The following UBXN4 variants were observed in gnomAD, a reference collection of about 807,000 sequenced individuals.
UBXN4 encodes the protein UBX domain-containing protein 4.
Under a neutral mutation model 66.2 loss-of-function variants are expected in UBXN4, and 35 were observed. The observed-to-expected ratio is 0.53, with a 90% CI of 0.40 to 0.70. The LOEUF is 0.70. UBXN4 is among the 30% of genes least tolerant of loss of function. UBXN4 has a pLI of 0.00. For synonymous variants in UBXN4, 203 were observed against 204.5 expected, an observed-to-expected ratio of 0.99 and a Z score of 0.06; for missense variants, 533 against 599.8, an observed-to-expected ratio of 0.89 and a Z score of 1.16.
In UBXN4 at chr2:135,754,175, T is replaced by C. The variant is rs745786217; in HGVS notation, c.231T>C (p.Val77=). ...ACTGTACAGATCCTGTAGTGTGTGT[T>C]CCATCCAGTTTCTTTATTGGAGACA... ...QFSQIYPVVC[V]PSSFFIGDSG... Residue 77 remains valine (V), a synonymous_variant, in exon 4 of 13, where the codon GTT becomes GTC. Coordinates refer to ENST00000272638, the MANE Select transcript of UBXN4 (RefSeq NM_014607.4). 2 of 1,613,654 alleles carry C rather than the reference T, an allele frequency of 1.2e-6. No individual in the cohort carries two copies. The highest frequency in any genetic ancestry group is 1.7e-6 in the Non-Finnish European group (2 of 1,179,646).
chr2:135,770,858 T>A, intron 8 of UBXN4, 123 bp downstream of exon 8: 1 of 954,632 alleles, frequency 1.0e-6, no homozygotes, highest in South Asian at 5.6e-5. Flanking sequence ...ATCCTGAGCT[T>A]CCTTTTATTA....
chr2:135,745,714 C>A (rs895988130), intron 1 of UBXN4, among the ~76,000 whole-genome samples: 3 of 152,012 alleles, frequency 2.0e-5, no homozygotes, highest in Non-Finnish European at 4.4e-5. Flanking sequence ...TATTTGGAAT[C>A]TTAATCTCTC....
chr2:135,751,196 A>T (rs1362453196), intron 2 of UBXN4, among the ~76,000 whole-genome samples: 2 of 122,596 alleles, frequency 1.6e-5, no homozygotes, highest in African/African-American at 3.0e-5. Context: ...TTTATTTTTT[A>T]TTTTTTTTGA....
intron 6 of UBXN4, among the ~76,000 whole-genome samples, chr2:135,768,201 A>T (rs753526577): frequency 6.6e-6 from 1 of 151,926 alleles, no homozygotes; most frequent in Non-Finnish European, 1.5e-5. Flanking sequence ...TATTTTTTAA[A>T]TTTTTTTATT....
At chr2:135,759,571 G>C (rs902075048) in intron 5 of UBXN4, among the ~76,000 whole-genome samples, 2 of 152,060 alleles carry the variant, frequency 1.3e-5, no homozygotes, top group Non-Finnish European at 2.9e-5. Flanking sequence ...CTACAGACTT[G>C]ATCAAGTCAG....
At chr2:135,769,032 T>C (rs2105504127) in intron 6 of UBXN4, among the ~76,000 whole-genome samples, 1 of 152,026 alleles carries the variant, frequency 6.6e-6, no homozygotes, top group African/African-American at 2.4e-5. Context: ...AGACAGGGTC[T>C]CCCTTTGTCA....
intron 11 of UBXN4, among the ~76,000 whole-genome samples, chr2:135,779,822 T>C (rs2077438435): frequency 6.9e-6 from 1 of 144,502 alleles, no homozygotes; most frequent in Non-Finnish European, 1.5e-5. Flanking sequence ...TAATATACAA[T>C]ATTATACAAT....
chr2:135,767,291 G>A (rs2077354886), intron 6 of UBXN4, among the ~76,000 whole-genome samples: 1 of 152,088 alleles, frequency 6.6e-6, no homozygotes, highest in Non-Finnish European at 1.5e-5. Context: ...AACCCGGGAG[G>A]CAGAGGTTGC....
chr2:135,746,606 A>G (rs1198998523), intron 1 of UBXN4, among the ~76,000 whole-genome samples: 1 of 152,204 alleles, frequency 6.6e-6, no homozygotes. Context: ...TATTTGAGCA[A>G]AGTTTTAAGG....
chr2:135,779,597 G>C (rs1426469384), intron 11 of UBXN4, among the ~76,000 whole-genome samples: 2 of 151,854 alleles, frequency 1.3e-5, no homozygotes, highest in African/African-American at 2.4e-5. Context: ...TACTAGACGT[G>C]CCCTCCACCC....
chr2:135,776,459 C>A, intron 10 of UBXN4, 108 bp downstream of exon 10: 1 of 906,278 alleles, frequency 1.1e-6, no homozygotes, highest in Non-Finnish European at 1.7e-6. Context: ...GTGACCTCTC[C>A]AGGAGGGAGG....
At chr2:135,746,021 G>A (rs2077205728) in intron 1 of UBXN4, among the ~76,000 whole-genome samples, 2 of 151,722 alleles carry the variant, frequency 1.3e-5, no homozygotes, top group Non-Finnish European at 1.5e-5. Context: ...GGGACTACAG[G>A]TGTGTGTCAC....
intron 11 of UBXN4, among the ~76,000 whole-genome samples, chr2:135,779,673 A>G (rs1033830562): frequency 6.6e-6 from 1 of 151,946 alleles, no homozygotes; most frequent in African/African-American, 2.4e-5. Context: ...AATCAGCAAG[A>G]AAGACTCTTC....
chr2:135,764,721 G>C (rs1420785325), intron 6 of UBXN4, among the ~76,000 whole-genome samples: 1 of 152,232 alleles, frequency 6.6e-6, no homozygotes, highest in Non-Finnish European at 1.5e-5. Flanking sequence ...GGCTGGGCTG[G>C]TCTTGAACTT....
chr2:135,745,187 A>G (rs962273700), intron 1 of UBXN4, among the ~76,000 whole-genome samples: 3 of 152,168 alleles, frequency 2.0e-5, no homozygotes, highest in Admixed American at 2.0e-4. Flanking sequence ...TAAACCATAA[A>G]TATGAGAGTC....
chr2:135,749,469 A>G (rs12998387), intron 2 of UBXN4, among the ~76,000 whole-genome samples: 80,171 of 152,058 alleles, frequency 0.53, 25,458 homozygotes, highest in Non-Finnish European at 0.73. Flanking sequence ...GTAACAGTGT[A>G]ATGTACCCCA....
intron 2 of UBXN4, among the ~76,000 whole-genome samples, chr2:135,750,470 CACTCCAGCCTGGGCA>C (rs1293158392): frequency 6.6e-6 from 1 of 151,870 alleles, no homozygotes; most frequent in Non-Finnish European, 1.5e-5. Flanking sequence ...TGCACCACTG[CACTCCAGCCTGGGCA>C]ACAGAGCAAG....
intron 5 of UBXN4, among the ~76,000 whole-genome samples, chr2:135,756,334 A>G (rs758394171): frequency 2.0e-5 from 3 of 152,206 alleles, no homozygotes; most frequent in Non-Finnish European, 2.9e-5. Context: ...ATAATCATCA[A>G]GCTTCTATTT....
At chr2:135,752,643 T>C (rs549584000) in intron 2 of UBXN4, among the ~76,000 whole-genome samples, 116 of 152,368 alleles carry the variant, frequency 7.6e-4, no homozygotes, top group African/African-American at 1.1e-3. Context: ...ACTTGTCTGC[T>C]GAGGAAGCAG....
Sources: gnomAD v4.1 joint callset for allele counts (sites outside exome capture counted in the v4.1 genomes callset) on GRCh38, gnomAD v4.1.1 for gene constraint, MANE v1.5 for transcripts, NCBI Gene and HGNC (gene_info 2026-07-23, HGNC 2026-07-21) for gene names.